RASA1: variants seen among roughly 807,000 people sequenced by gnomAD.
RASA1 encodes RAS p21 protein activator 1.
In RASA1, 25 loss-of-function variants were observed where a neutral mutation model predicts 132.2. The observed-to-expected ratio is 0.19, with a 90% CI of 0.14 to 0.26. RASA1 has a LOEUF of 0.26. Ranked by LOEUF, RASA1 falls within the 10% of genes least tolerant of loss-of-function variation. RASA1 has a pLI of 1.00. For synonymous variants in RASA1, 477 were observed against 449.9 expected, an observed-to-expected ratio of 1.06 and a Z score of -0.76; for missense variants, 964 against 1,299.2, an observed-to-expected ratio of 0.74 and a Z score of 3.97.
chr5:87,377,461 G>T (rs1761403728), intron 17 of RASA1, among the ~76,000 whole-genome samples: 1 of 152,128 alleles, frequency 6.6e-6, no homozygotes, highest in Non-Finnish European at 1.5e-5. Context: ...CTCCTAAGTA[G>T]CTGGGACTAC....
chr5:87,281,289 C>G (rs1384869588), intron 1 of RASA1, among the ~76,000 whole-genome samples: 1 of 150,334 alleles, frequency 6.7e-6, no homozygotes, highest in Non-Finnish European at 1.5e-5. Flanking sequence ...GTTGCCCAGG[C>G]TGAAGTGCAA....
At chr5:87,347,809 C>T (rs1272597610) in intron 7 of RASA1, among the ~76,000 whole-genome samples, 1 of 151,844 alleles carries the variant, frequency 6.6e-6, no homozygotes, top group Non-Finnish European at 1.5e-5. Flanking sequence ...CAGTGTGGAA[C>T]CAAAAATATG....
intron 1 of RASA1, among the ~76,000 whole-genome samples, chr5:87,320,643 T>C (rs901827385): frequency 6.6e-6 from 1 of 152,166 alleles, no homozygotes; most frequent in Non-Finnish European, 1.5e-5. Context: ...TTTGCCTTCA[T>C]GATTCAATCA....
chr5:87,319,088 C>G (rs987160534), intron 1 of RASA1, among the ~76,000 whole-genome samples: 9 of 152,210 alleles, frequency 5.9e-5, no homozygotes, highest in Admixed American at 6.5e-5. Context: ...GTCTCACATC[C>G]AGGGCACGCT....
chr5:87,390,727 C>G lies in RASA1; in HGVS notation c.3061-73C>G, dbSNP rs1297444911. ...CCTTTTGCTTTGATACAGTTTTTTT[C>G]AAATCCAGGTTCCCATCCTGAAATT... On this transcript the variant is annotated intron_variant, in intron 24 of 24. Transcript: ENST00000274376. The G allele has an allele frequency of 4.7e-6, 6 of 1,281,886 alleles. No individual in the cohort carries two copies. In the African/African-American group the frequency reaches 7.4e-5, roughly 16 times the overall value. 79.4% of individuals were successfully genotyped at this position (1,281,886 alleles called of 1,614,324 possible). A position where few individuals can be genotyped will look rare whatever the true frequency, so the allele number is the denominator to read the frequency against.
chr5:87,297,319 A>C (rs1373949695), intron 1 of RASA1, among the ~76,000 whole-genome samples: 1 of 151,998 alleles, frequency 6.6e-6, no homozygotes, highest in Non-Finnish European at 1.5e-5. Context: ...ATGTCTTGTA[A>C]TTTTTTATTG....
chr5:87,310,732 A>C (rs1006962653), intron 1 of RASA1, among the ~76,000 whole-genome samples: 1 of 152,192 alleles, frequency 6.6e-6, no homozygotes. Flanking sequence ...TGTAAAGTCA[A>C]ATAATTTTCA....
At chr5:87,327,167 T>G (rs773321754) in intron 1 of RASA1, among the ~76,000 whole-genome samples, 1 of 152,206 alleles carries the variant, frequency 6.6e-6, no homozygotes, top group Admixed American at 6.5e-5. Context: ...AATAATAATA[T>G]TAAGCCAACA....
intron 15 of RASA1, 176 bp from the exon 16 acceptor site, chr5:87,376,217 C>T (rs1359347921): frequency 1.4e-6 from 1 of 704,178 alleles, no homozygotes; most frequent in Non-Finnish European, 2.4e-6. Flanking sequence ...GAGTTTAGTG[C>T]ACCGTAGACA....
chr5:87,379,976 T>C (rs1251127771), intron 19 of RASA1, 126 bp downstream of exon 19: 2 of 995,920 alleles, frequency 2.0e-6, no homozygotes, highest in South Asian at 1.5e-5. Context: ...TCATGGTTAA[T>C]CTTTATGAGA....
intron 1 of RASA1, among the ~76,000 whole-genome samples, chr5:87,281,693 G>A: frequency 1.3e-5 from 2 of 152,022 alleles, no homozygotes; most frequent in East Asian, 3.9e-4. Flanking sequence ...CGATCCTCCT[G>A]TTTCAACCTC....
At chr5:87,292,281 G>A (rs1208894190) in intron 1 of RASA1, among the ~76,000 whole-genome samples, 1 of 151,794 alleles carries the variant, frequency 6.6e-6, no homozygotes, top group Non-Finnish European at 1.5e-5. Flanking sequence ...TATTGTCTAG[G>A]AGTTTTATAG....
chr5:87,337,356 A>T (rs1417127550), intron 4 of RASA1, among the ~76,000 whole-genome samples: 1 of 152,042 alleles, frequency 6.6e-6, no homozygotes, highest in African/African-American at 2.4e-5. Context: ...TTCTCATAAT[A>T]TATCCCTTGG....
intron 1 of RASA1, among the ~76,000 whole-genome samples, chr5:87,273,013 T>A (rs960932517): frequency 6.6e-6 from 1 of 152,204 alleles, no homozygotes; most frequent in Admixed American, 6.5e-5. Context: ...TTAAGGGGGT[T>A]TAGGTCACAG....
chr5:87,374,266 A>G lies in RASA1; in HGVS notation c.1880A>G (p.Lys627Arg). 6.2e-7 allele frequency: 1 copy of G among 1,604,320 alleles called. No homozygotes were observed. The change falls in exon 14 of 25, where the codon AAA (lysine) becomes AGA (arginine). Residue 627 changes from lysine to arginine, a missense_variant. This residue lies in a region of RASA1 where 346 missense variants were observed against 520.1 expected (regional missense o/e 0.67). Transcript: ENST00000274376. The part of the protein sequence containing the change: ...NIYLNSVQVA[K>R]THAREGQNPV... Reference sequence around the variant, plus strand: ...TACCTGAATAGTGTCCAAGTAGCAAAAACTCATGCAAGGGAAGGGCAAAAC... The same window carrying G: ...TACCTGAATAGTGTCCAAGTAGCAAGAACTCATGCAAGGGAAGGGCAAAAC...
In RASA1 at chr5:87,296,935, G is replaced by C. The variant is rs976234318; in HGVS notation, c.539+27945G>C. On this transcript the variant is annotated intron_variant, in intron 1 of 24. Coordinates refer to ENST00000274376, the MANE Select transcript of RASA1 (RefSeq NM_002890.3). ...CCTTTTTTAGTTTCCTACAGTTCTT[G>C]AATGTTCTACTCTTTCTTTTTCCTC... Among the ~76,000 whole-genome samples, 10 of 152,040 alleles carry C rather than the reference G, an allele frequency of 6.6e-5. No individual in the cohort carries two copies. The South Asian group carries it at 2.1e-3, about 32-fold the overall frequency.
rs770426797 is a variant in RASA1, at chr5:87,374,459, ATTT to A, written c.1934+153_1934+155del. 8.2e-4 allele frequency: 138 copies of A among 167,520 alleles called. 1 individual carries two copies. Among genetic ancestry groups the A allele is most frequent in the Middle Eastern group, 5.3e-3 (2 of 374 alleles). The allele number at this position is 167,520 out of a possible 1,614,324, so 10.4% of individuals were successfully genotyped here. A position where few individuals can be genotyped will look rare whatever the true frequency, so the allele number is the denominator to read the frequency against. ...TCTAATAGCATATATATATATATAT[ATTT>A]TTTTTTTTTTTTTCTGTTGTTTGTT... On this transcript the variant is annotated intron_variant, in intron 14 of 24. Transcript: ENST00000274376.
intron 1 of RASA1, among the ~76,000 whole-genome samples, chr5:87,278,233 T>G (rs1433049100): frequency 1.3e-5 from 2 of 151,980 alleles, no homozygotes; most frequent in Non-Finnish European, 2.9e-5. Context: ...TAATTGTAGA[T>G]TCATATGCAG....
intron 1 of RASA1, among the ~76,000 whole-genome samples, chr5:87,298,895 G>C (rs928165193): frequency 1.3e-5 from 2 of 152,172 alleles, no homozygotes; most frequent in Non-Finnish European, 2.9e-5. Context: ...ATTGTGCACT[G>C]CATTGTTCAG....
Sources: allele counts gnomAD v4.1 joint callset (sites outside exome capture counted in the v4.1 genomes callset), GRCh38; gene constraint gnomAD v4.1.1; regional missense constraint gnomAD v4.1.1; transcripts MANE v1.5; gene names NCBI Gene and HGNC (gene_info 2026-07-23, HGNC 2026-07-21).